SPINK13: variants seen among roughly 807,000 people sequenced by gnomAD.
SPINK13 encodes the protein serine protease inhibitor Kazal-type 13.
Under a neutral mutation model 11.0 loss-of-function variants are expected in SPINK13, and 11 were observed. That is an observed-to-expected ratio of 1.00 (90% CI 0.63 to 1.65). SPINK13 has a LOEUF of 1.65. Among genes scored for constraint, SPINK13 ranks in the 40% most tolerant of loss-of-function variants. The pLI, the probability that SPINK13 is intolerant of heterozygous loss-of-function variation, is 0.00. For synonymous variants in SPINK13, 31 were observed against 35.6 expected (o/e 0.87, Z 0.46); for missense variants, 113 against 117.7 (o/e 0.96, Z 0.19).
intron 2 of SPINK13, 37 bp from the exon 3 acceptor site, chr5:148,274,310 T>A: frequency 6.5e-7 from 1 of 1,546,780 alleles, no homozygotes; most frequent in Non-Finnish European, 8.9e-7. Context: ...TGGAGAACTA[T>A]TTCCTTTAAC....
intron 3 of SPINK13, among the ~76,000 whole-genome samples, chr5:148,281,893 G>T (rs1756521539): frequency 6.6e-6 from 1 of 152,132 alleles, no homozygotes; most frequent in Admixed American, 6.5e-5. Context: ...TATTAAAATG[G>T]TTATGACTTG....
chr5:148,274,402 A>G lies in SPINK13; in HGVS notation c.108+18A>G. ...GGCCTAAGGTAAATTTAAATTTCTC[A>G]GTTCTAGGTTGTAATTCTAGTCTAA... On this transcript the variant is annotated intron_variant, in intron 3 of 4. Coordinates refer to ENST00000398450, the MANE Select transcript of SPINK13 (RefSeq NM_001040129.3). 6.2e-7 allele frequency: 1 copy of G among 1,603,316 alleles called. No individual in the cohort carries two copies. The highest frequency in any genetic ancestry group is 8.5e-7 in the Non-Finnish European group (1 of 1,170,826).
chr5:148,277,912 T>C (rs1181982881), intron 3 of SPINK13, among the ~76,000 whole-genome samples: 1 of 152,230 alleles, frequency 6.6e-6, no homozygotes, highest in African/African-American at 2.4e-5. Context: ...CTGGGCTTTT[T>C]TTGGTTGGTA....
intron 3 of SPINK13, among the ~76,000 whole-genome samples, chr5:148,281,788 A>G (rs1399954362): frequency 6.6e-6 from 1 of 152,214 alleles, no homozygotes; most frequent in Non-Finnish European, 1.5e-5. Context: ...CTGACCAATG[A>G]CACTTGAGGT....
At chr5:148,274,012 T>C (rs1267387594) in intron 2 of SPINK13, among the ~76,000 whole-genome samples, 2 of 152,192 alleles carry the variant, frequency 1.3e-5, no homozygotes. Context: ...TAAAAATGCA[T>C]GTAATTACCC....
intron 3 of SPINK13, among the ~76,000 whole-genome samples, chr5:148,281,621 T>C (rs183067658): frequency 1.4e-3 from 216 of 152,298 alleles, no homozygotes; most frequent in African/African-American, 5.1e-3. Context: ...GTACCCACTG[T>C]CTAACCAGTT....
rs368878531 is a variant in SPINK13, at chr5:148,275,555, A to G, written c.108+1171A>G. Among the ~76,000 whole-genome samples, 5 of 152,282 alleles carry G rather than the reference A, an allele frequency of 3.3e-5. No homozygotes were observed. The South Asian group carries it at 1.0e-3, about 32-fold the overall frequency. Reference sequence around the variant, plus strand: ...TCTAGTTCTAGATCCTTGCGGACTCACCACATTGTCCTCCACAATGGTTGA... The same window carrying G: ...TCTAGTTCTAGATCCTTGCGGACTCGCCACATTGTCCTCCACAATGGTTGA... On this transcript the variant is annotated intron_variant, in intron 3 of 4. Coordinates refer to ENST00000398450, the MANE Select transcript of SPINK13 (RefSeq NM_001040129.3).
chr5:148,279,750 T>C (rs1164649929), intron 3 of SPINK13, among the ~76,000 whole-genome samples: 18 of 152,182 alleles, frequency 1.2e-4, no homozygotes, highest in Non-Finnish European at 2.6e-4. Context: ...AGCTGACATT[T>C]ATGTCTCTTG....
chr5:148,271,710 C>G (rs547313392), intron 2 of SPINK13, among the ~76,000 whole-genome samples: 1 of 152,134 alleles, frequency 6.6e-6, no homozygotes, highest in African/African-American at 2.4e-5. Flanking sequence ...CTGCAAGCTC[C>G]GCCTCCCGGA....
chr5:148,278,370 G>A (rs551000394), intron 3 of SPINK13, among the ~76,000 whole-genome samples: 5 of 152,068 alleles, frequency 3.3e-5, no homozygotes, highest in Non-Finnish European at 7.4e-5. Context: ...TTAAGGTGTC[G>A]ATTTTAGATC....
chr5:148,277,572 T>C (rs1296804386), intron 3 of SPINK13, among the ~76,000 whole-genome samples: 1 of 152,206 alleles, frequency 6.6e-6, no homozygotes, highest in African/African-American at 2.4e-5. Context: ...ACGTGATGGA[T>C]TGTGTTTATT....
chr5:148,270,922 T>C (rs1359199841), intron 2 of SPINK13: 1 of 152,176 alleles, frequency 6.6e-6, no homozygotes, highest in African/African-American at 2.4e-5. Flanking sequence ...GGTAAGGAAA[T>C]TAATTCTTCC....
intron 4 of SPINK13, among the ~76,000 whole-genome samples, chr5:148,283,053 A>C (rs1756540910): frequency 6.6e-6 from 1 of 152,184 alleles, no homozygotes; most frequent in South Asian, 2.1e-4. Flanking sequence ...CATGAGGTGG[A>C]GTCCCCGAGA....
intron 2 of SPINK13, among the ~76,000 whole-genome samples, chr5:148,272,652 A>G (rs1041095422): frequency 4.6e-5 from 7 of 152,078 alleles, no homozygotes; most frequent in Non-Finnish European, 1.0e-4. Flanking sequence ...TTAGGATGTC[A>G]ATACTTCCTG....
chr5:148,282,550 C>G (rs1188598995), intron 4 of SPINK13, among the ~76,000 whole-genome samples: 1 of 151,378 alleles, frequency 6.6e-6, no homozygotes, highest in Non-Finnish European at 1.5e-5. Context: ...TTAAAAAAAA[C>G]ACTGAACTTT....
rs1756326424 is a variant in SPINK13 at position 148,270,027 on chromosome 5, G to A, written c.-33-13G>A. The A allele has an allele frequency of 6.3e-7, 1 of 1,586,708 alleles. No homozygotes were observed. The highest frequency in any genetic ancestry group is 1.7e-5 in the Admixed American group (1 of 59,708). On this transcript the variant is annotated splice_polypyrimidine_tract_variant and intron_variant, in intron 1 of 4. Coordinates refer to ENST00000398450, the MANE Select transcript of SPINK13 (RefSeq NM_001040129.3). ...GTGGGGGAAACTAAAAACAATCTTGGGCATGTTCACAGGCCTTATCAAAGA... is the reference window on the plus strand; with the variant it reads ...GTGGGGGAAACTAAAAACAATCTTGAGCATGTTCACAGGCCTTATCAAAGA...
chr5:148,282,568 T>C (rs1756535069), intron 4 of SPINK13, among the ~76,000 whole-genome samples: 1 of 152,164 alleles, frequency 6.6e-6, no homozygotes, highest in South Asian at 2.1e-4. Flanking sequence ...TTTTTTTATA[T>C]GTCACATTGA....
Position 148,270,033 on chromosome 5 carries a change from TTCA to T in SPINK13, c.-33-6_-33-4del. Reference sequence around the variant, plus strand: ...GAAACTAAAAACAATCTTGGGCATGTTCACAGGCCTTATCAAAGAAGAGTCTTA... The same window carrying T: ...GAAACTAAAAACAATCTTGGGCATGTCAGGCCTTATCAAAGAAGAGTCTTA... On this transcript the variant is annotated splice_polypyrimidine_tract_variant and splice_region_variant and intron_variant, in intron 1 of 4. Transcript: ENST00000398450. 1.2e-6 allele frequency: 2 copies of T among 1,600,812 alleles called. No individual in the cohort carries two copies. Among genetic ancestry groups the T allele is most frequent in the South Asian group, 2.2e-5 (2 of 89,912 alleles).
chr5:148,279,531 C>T (rs1756481904), intron 3 of SPINK13, among the ~76,000 whole-genome samples: 1 of 151,978 alleles, frequency 6.6e-6, no homozygotes, highest in Non-Finnish European at 1.5e-5. Flanking sequence ...TTTCTCCTTC[C>T]CTTATGAAGC....
Sources: gnomAD v4.1 joint callset for allele counts (sites outside exome capture counted in the v4.1 genomes callset) on GRCh38, gnomAD v4.1.1 for gene constraint, MANE v1.5 for transcripts, NCBI Gene and HGNC (gene_info 2026-07-23, HGNC 2026-07-21) for gene names.